ZNF790: variants seen among roughly 807,000 people sequenced by gnomAD.
ZNF790 encodes zinc finger protein 790.
Under a neutral mutation model 12.1 loss-of-function variants are expected in ZNF790, and 8 were observed. That is an observed-to-expected ratio of 0.66 (90% CI 0.39 to 1.19). The LOEUF (loss-of-function observed/expected upper bound fraction) is 1.19, where lower values mean the gene tolerates loss of function less well. Among genes scored for constraint, ZNF790 ranks in the 50% most tolerant of loss-of-function variants. The pLI is 0.01. For missense variants in ZNF790, 707 were observed against 752.2 expected (o/e 0.94, Z 0.70); for synonymous variants, 252 against 244.3 (o/e 1.03, Z -0.29).
chr19:36,824,846 C>T (rs970455315), intron 2 of ZNF790, among the ~76,000 whole-genome samples: 2 of 152,168 alleles, frequency 1.3e-5, no homozygotes, highest in African/African-American at 4.8e-5. Flanking sequence ...GGTAACTGTC[C>T]TTTGCTTAAG....
At chr19:36,823,472 T>A (rs1179634871) in intron 3 of ZNF790, 92 bp from the exon 4 acceptor site, 2 of 1,336,418 alleles carry the variant, frequency 1.5e-6, no homozygotes, top group East Asian at 4.8e-5. Context: ...GAGAAACAAT[T>A]ACAGGCAGGA....
chr19:36,823,828 T>A, intron 2 of ZNF790, 38 bp from the exon 3 acceptor site: 1 of 1,565,648 alleles, frequency 6.4e-7, no homozygotes, highest in Non-Finnish European at 8.6e-7. Context: ...AATGGTGAAA[T>A]TTTTAAAAAT....
intron 1 of ZNF790, among the ~76,000 whole-genome samples, chr19:36,847,086 T>C (rs759919913): frequency 3.6e-4 from 55 of 152,216 alleles, no homozygotes; most frequent in Non-Finnish European, 7.3e-4. Flanking sequence ...CCAAGTGCGG[T>C]GGCTCACACC....
Position 36,818,673 on chromosome 19 carries a change from A to T in ZNF790, c.1671T>A (p.Thr557=). 6 of 1,613,426 alleles carry T rather than the reference A, an allele frequency of 3.7e-6. No individual in the cohort carries two copies. The highest frequency in any genetic ancestry group is 5.1e-6 in the Non-Finnish European group (6 of 1,179,816). Residue 557 remains threonine (T), a synonymous_variant, in exon 5 of 5, where the codon ACT becomes ACA. Coordinates refer to ENST00000356725, the MANE Select transcript of ZNF790 (RefSeq NM_206894.4). ...SQLTRHKKIH[T]DAEPYGCKKS... ...TCTTGCATCCATAAGGTTCTGCATC[A>T]GTATGAATTTTCTTATGTCGTGTAA...
rs765491102 is a variant in ZNF790, at chr19:36,820,042, A to C, written c.302T>G (p.Leu101Trp). 6.2e-7 allele frequency: 1 copy of C among 1,612,898 alleles called. No individual in the cohort carries two copies. The highest frequency in any genetic ancestry group is 8.5e-7 in the Non-Finnish European group (1 of 1,180,002). ...NGIFEREIAQ[L>W]EIMRICKNHS... ...GTTTTTACAAATTCTCATTATTTCCAATTGGGCTATTTCTCTCTCAAAAAT... is the reference window on the plus strand; with the variant it reads ...GTTTTTACAAATTCTCATTATTTCCCATTGGGCTATTTCTCTCTCAAAAAT... The change falls in exon 5 of 5, where the codon TTG becomes TGG. Residue 101 changes from leucine to tryptophan, a missense_variant. Transcript: ENST00000356725.
At chr19:36,836,537 T>C (rs976173252) in intron 1 of ZNF790, among the ~76,000 whole-genome samples, 1 of 151,812 alleles carries the variant, frequency 6.6e-6, no homozygotes, top group East Asian at 1.9e-4. Flanking sequence ...GGCGGGCGGA[T>C]CACAAAGTCA....
chr19:36,826,616 T>TTATC (rs1242245117), intron 1 of ZNF790, among the ~76,000 whole-genome samples: 3 of 50,516 alleles, frequency 5.9e-5, no homozygotes, highest in Non-Finnish European at 1.3e-4. Flanking sequence ...AATTTTATAA[T>TTATC]TATCTATAAT....
At chr19:36,822,181 G>A (rs188087123) in intron 4 of ZNF790, among the ~76,000 whole-genome samples, 1 of 152,132 alleles carries the variant, frequency 6.6e-6, no homozygotes, top group African/African-American at 2.4e-5. Context: ...AACTAATAAG[G>A]AGAACTAATA....
chr19:36,833,307 T>C (rs1313223109), intron 1 of ZNF790, among the ~76,000 whole-genome samples: 1 of 152,180 alleles, frequency 6.6e-6, no homozygotes, highest in Non-Finnish European at 1.5e-5. Context: ...CATGCCCAGC[T>C]AATTTTTGTA....
intron 2 of ZNF790, among the ~76,000 whole-genome samples, chr19:36,823,992 C>CTTTTTTTTTTTTTT (rs779735213): frequency 9.6e-6 from 1 of 104,380 alleles, no homozygotes; most frequent in African/African-American, 4.2e-5. Flanking sequence ...TCTACATGCT[C>CTTTTTTTTTTTTTT]TTTTTTTTTT....
chr19:36,825,486 TCA>T, intron 2 of ZNF790, 123 bp downstream of exon 2: 2 of 1,034,036 alleles, frequency 1.9e-6, no homozygotes, highest in South Asian at 2.5e-5. Context: ...TTGGACTGTT[TCA>T]CAGTCATTAC....
chr19:36,820,981 C>G (rs1203555717), intron 4 of ZNF790, among the ~76,000 whole-genome samples: 1 of 148,318 alleles, frequency 6.7e-6, no homozygotes, highest in Non-Finnish European at 1.5e-5. Context: ...ATGTGCCATG[C>G]TGGTGTGCTG....
chr19:36,823,853 T>C, intron 2 of ZNF790, 63 bp from the exon 3 acceptor site: 1 of 1,469,924 alleles, frequency 6.8e-7, no homozygotes, highest in East Asian at 2.4e-5. Context: ...ATAATCCCTA[T>C]AGATGAAAGG....
upstream of ZNF790, among the ~76,000 whole-genome samples, chr19:36,842,950 A>C (rs1013062640): frequency 1.3e-5 from 2 of 149,422 alleles, no homozygotes; most frequent in African/African-American, 4.9e-5. Context: ...GGTTGCAGTG[A>C]GCCAAGATCG....
At position 36,819,163 on chromosome 19, in the gene ZNF790, T is replaced by C. The variant is rs754633941; in HGVS notation, c.1181A>G (p.Tyr394Cys). ...GGCTTTCCCACATTTCTCACATTTA[T>C]AAGGTTTCCTACCAACATGAACATT... ...HQNVHVGRKP[Y>C]KCEKCGKAYI... Residue 394 changes from tyrosine (Y) to cysteine (C), a missense_variant, in exon 5 of 5, where the codon TAT (tyrosine) becomes TGT (cysteine). By Grantham distance (194) the Tyr-to-Cys change is radical (BLOSUM62 -2). Transcript: ENST00000356725. The C allele has an allele frequency of 6.2e-7, 1 of 1,613,880 alleles. No homozygotes were observed. The highest frequency in any genetic ancestry group is 1.1e-5 in the South Asian group (1 of 91,058).
chr19:36,819,680 C>T lies in ZNF790; in HGVS notation c.664G>A (p.Val222Ile). 1 of 1,612,204 alleles carries T rather than the reference C, an allele frequency of 6.2e-7. No individual in the cohort carries two copies. Among genetic ancestry groups the T allele is most frequent in the Non-Finnish European group, 8.5e-7 (1 of 1,179,128 alleles). Residue 222 changes from valine to isoleucine, a missense_variant, in exon 5 of 5, where the codon GTT (valine) becomes ATT (isoleucine). Val to Ile is a conservative substitution (Grantham distance 29). Transcript: ENST00000356725. ...TCTTTACATTCATATGTTTTCTTAACAGTGTGAACTGTCTGATATTGAATA... is the reference window on the plus strand; with the variant it reads ...TCTTTACATTCATATGTTTTCTTAATAGTGTGAACTGTCTGATATTGAATA... ...EVIQYQTVHTVKKTYECKECG... is the reference protein window; with the variant it reads ...EVIQYQTVHTIKKTYECKECG...
rs938931930 is a variant in ZNF790, at chr19:36,825,605, A to G, written c.9+6T>C. 3 of 1,613,874 alleles carry G rather than the reference A, an allele frequency of 1.9e-6. No individual in the cohort carries two copies. The highest frequency in any genetic ancestry group is 2.5e-6 in the Non-Finnish European group (3 of 1,179,916). ...ATATTTTTGGAGAGAGGCAATTCCA[A>G]CTCACATGGGCCATGACTTAACATT... is the stretch of plus-strand genomic sequence containing the variant. On this transcript the variant is annotated splice_donor_region_variant and intron_variant, in intron 2 of 4. Transcript: ENST00000356725.
At position 36,817,600 on chromosome 19, in the gene ZNF790, A is replaced by C. The variant is rs2071577318; in HGVS notation, c.*833T>G. The C allele has an allele frequency of 6.6e-6, 1 of 151,978 alleles. No homozygotes were observed. Among genetic ancestry groups the C allele is most frequent in the African/African-American group, 2.4e-5 (1 of 41,366 alleles). The allele number at this position is 151,978 out of a possible 1,614,324, so 9.4% of individuals were successfully genotyped here. Reference sequence around the variant, plus strand: ...AGTCACTAAGTCATGTAAATCTCAAATCATTCAACCCTTATAATCTAATGA... The same window carrying C: ...AGTCACTAAGTCATGTAAATCTCAACTCATTCAACCCTTATAATCTAATGA... On this transcript the variant is annotated 3_prime_UTR_variant, in exon 5 of 5. Transcript: ENST00000356725.
intron 1 of ZNF790, among the ~76,000 whole-genome samples, chr19:36,845,084 A>T (rs1339316518): frequency 6.7e-6 from 1 of 150,140 alleles, no homozygotes; most frequent in Non-Finnish European, 1.5e-5. Flanking sequence ...AGAAATACTA[A>T]ATGGAGTTTT....
Sources: allele counts gnomAD v4.1 joint callset (sites outside exome capture counted in the v4.1 genomes callset), GRCh38; gene constraint gnomAD v4.1.1; transcripts MANE v1.5; gene names NCBI Gene and HGNC (gene_info 2026-07-23, HGNC 2026-07-21).